The following TENM1 variants were observed in gnomAD, a reference collection of about 807,000 sequenced individuals.
TENM1 encodes the protein teneurin-1.
In TENM1, 35 loss-of-function variants were observed where a neutral mutation model predicts 174.8. The observed-to-expected ratio is 0.20, with a 90% CI of 0.15 to 0.27. The LOEUF (loss-of-function observed/expected upper bound fraction) is 0.27, where lower values mean the gene tolerates loss of function less well. Ranked by LOEUF, TENM1 falls within the 10% of genes least tolerant of loss-of-function variation. TENM1 has a pLI of 1.00. For missense variants in TENM1, 1,633 were observed against 2,130.1 expected, an observed-to-expected ratio of 0.77 and a Z score of 4.59; for synonymous variants, 781 against 798.7, an observed-to-expected ratio of 0.98 and a Z score of 0.37.
intron 20 of TENM1, among the ~76,000 whole-genome samples, chrX:124,494,781 C>T (rs960755343): frequency 2.5e-4 from 27 of 108,402 alleles, no homozygotes; most frequent in South Asian, 1.2e-3. Flanking sequence ...TCTGCTCTTG[C>T]GATAGTTTAC....
At chrX:124,634,467 A>G (rs7880659) in intron 11 of TENM1, among the ~76,000 whole-genome samples, 13,671 of 110,996 alleles carry the variant, frequency 0.12, 1,781 homozygotes, top group African/African-American at 0.39. Flanking sequence ...CTAAATTCTA[A>G]ATATCTTATA....
intron 23 of TENM1, among the ~76,000 whole-genome samples, chrX:124,434,081 G>A (rs990149076): frequency 8.9e-6 from 1 of 111,784 alleles, no homozygotes; most frequent in Non-Finnish European, 1.9e-5. Flanking sequence ...ACTTTATCAT[G>A]TGTGTACAGT....
At chrX:124,811,405 T>C (rs891995814) in intron 3 of TENM1, among the ~76,000 whole-genome samples, 5 of 111,618 alleles carry the variant, frequency 4.5e-5, no homozygotes, top group Non-Finnish European at 9.4e-5. Context: ...AACAAGTATA[T>C]AGCAAGATGC....
intron 1 of TENM1, among the ~76,000 whole-genome samples, chrX:124,941,660 T>C (rs1241138057): frequency 9.0e-6 from 1 of 111,546 alleles, no homozygotes; most frequent in Non-Finnish European, 1.9e-5. Context: ...CAAAAGAGAA[T>C]CATTATTTTT....
chrX:124,567,427 C>A (rs929388602), intron 11 of TENM1, among the ~76,000 whole-genome samples: 1 of 111,894 alleles, frequency 8.9e-6, no homozygotes, highest in African/African-American at 3.2e-5. Context: ...CACAAGAGGA[C>A]ACTTTTCAAT....
intron 3 of TENM1, among the ~76,000 whole-genome samples, chrX:124,847,556 A>ATG (rs370189803): frequency 0.015 from 1,645 of 109,973 alleles, 31 homozygotes; most frequent in African/African-American, 0.048. Context: ...AATTAATTGA[A>ATG]TGTGTGTGTG....
At chrX:124,390,721 C>T (rs1370697679) in intron 28 of TENM1, among the ~76,000 whole-genome samples, 1 of 112,093 alleles carries the variant, frequency 8.9e-6, no homozygotes, top group Non-Finnish European at 1.9e-5. Flanking sequence ...CAATATACAC[C>T]TTAAGAAATA....
chrX:124,859,925 G>A (rs2056882746), intron 3 of TENM1, among the ~76,000 whole-genome samples: 1 of 112,143 alleles, frequency 8.9e-6, no homozygotes, highest in Admixed American at 9.4e-5. Flanking sequence ...AATAAGAGTT[G>A]TTTGATGAAA....
chrX:124,518,883 C>T (rs752519913), intron 18 of TENM1, among the ~76,000 whole-genome samples: 6 of 112,148 alleles, frequency 5.4e-5, no homozygotes, highest in African/African-American at 1.6e-4. Context: ...GCAACTTTCA[C>T]GGCAGCCTAA....
intron 3 of TENM1, among the ~76,000 whole-genome samples, chrX:124,864,723 C>T (rs1307449344): frequency 1.8e-5 from 2 of 110,544 alleles, no homozygotes; most frequent in African/African-American, 6.6e-5. Context: ...ACTTCCCAAA[C>T]CTAGAGAAAC....
chrX:124,930,461 G>T (rs1443429162), intron 1 of TENM1, among the ~76,000 whole-genome samples: 1 of 111,676 alleles, frequency 9.0e-6, no homozygotes, highest in East Asian at 2.8e-4. Flanking sequence ...TTCCAACTGT[G>T]ATTACACATT....
chrX:124,966,528 A>G (rs7059441), upstream of TENM1, among the ~76,000 whole-genome samples: 3,057 of 107,973 alleles, frequency 0.028, 149 homozygotes, highest in African/African-American at 0.099. Context: ...CGGGCGTGGT[A>G]GCGGGCGCCT....
intron 11 of TENM1, among the ~76,000 whole-genome samples, chrX:124,583,911 G>T (rs1347304424): frequency 1.9e-4 from 18 of 96,223 alleles, no homozygotes; most frequent in African/African-American, 6.9e-4. Flanking sequence ...GAGCTGATGC[G>T]ATCAACTGGA....
chrX:124,631,337 G>C (rs1238106520), intron 11 of TENM1, among the ~76,000 whole-genome samples: 1 of 111,423 alleles, frequency 9.0e-6, no homozygotes, highest in Admixed American at 9.6e-5. Flanking sequence ...ATTACAATAA[G>C]CATAGCTAAA....
chrX:124,405,412 C>T (rs755668633), intron 26 of TENM1, 146 bp from the exon 30 acceptor site: 10 of 456,364 alleles, frequency 2.2e-5, no homozygotes, highest in Admixed American at 1.5e-4. Context: ...GCTAGACTAC[C>T]GCTCTGACAG....
At position 124,787,589 on chromosome X, in the gene TENM1, G is replaced by A. The variant is rs781358667; in HGVS notation, c.536-50392C>T. Among the ~76,000 whole-genome samples the A allele has an allele frequency of 3.7e-4, 41 of 111,920 alleles. No individual in the cohort carries two copies. The Admixed American group carries it at 3.7e-3, about 10-fold the overall frequency. The stretch of plus-strand genomic sequence containing the variant: ...ACAGGTTATCTCTTGTCCCTAGAGA[G>A]CATATTCAGATAACAGCATTGAAAT... On this transcript the variant is annotated intron_variant, in intron 3 of 31. Coordinates refer to ENST00000422452, the Ensembl canonical transcript of TENM1.
At chrX:125,090,213 G>A in the TENM1 span, among the ~76,000 whole-genome samples, 2 of 111,836 alleles carry the variant, frequency 1.8e-5, no homozygotes, top group African/African-American at 6.5e-5. Flanking sequence ...ATAATATGTA[G>A]GGACTTTCCA....
At chrX:124,642,036 C>T (rs1292432874) in intron 10 of TENM1, 45 bp from the exon 14 acceptor site, 2 of 950,924 alleles carry the variant, frequency 2.1e-6, no homozygotes, top group African/African-American at 3.9e-5. Context: ...TAATAGTGAA[C>T]AGGTATGGCC....
chrX:124,925,687 A>G (rs1290125600), intron 1 of TENM1, among the ~76,000 whole-genome samples: 1 of 112,803 alleles, frequency 8.9e-6, no homozygotes, highest in African/African-American at 3.2e-5. Context: ...TTGTCAAAGG[A>G]ATAGTTACAA....
Sources: gnomAD v4.1 joint callset for allele counts (sites outside exome capture counted in the v4.1 genomes callset) on GRCh38, gnomAD v4.1.1 for gene constraint, MANE v1.5 for transcripts, NCBI Gene and HGNC (gene_info 2026-07-23, HGNC 2026-07-21) for gene names.